AUTS2: variants seen among roughly 807,000 people sequenced by gnomAD.
The protein encoded by AUTS2 is autism susceptibility gene 2 protein.
Under a neutral mutation model 112.4 loss-of-function variants are expected in AUTS2, and 17 were observed. That is an observed-to-expected ratio of 0.15 (90% CI 0.10 to 0.23). The LOEUF is 0.23. AUTS2 is among the 10% of genes least tolerant of loss of function. AUTS2 has a pLI of 1.00. For synonymous variants in AUTS2, 751 were observed against 702.7 expected, an observed-to-expected ratio of 1.07 and a Z score of -1.09; for missense variants, 1,510 against 1,701.6, an observed-to-expected ratio of 0.89 and a Z score of 1.98.
intron 4 of AUTS2, among the ~76,000 whole-genome samples, chr7:70,217,907 C>T (rs754152842): frequency 4.6e-5 from 7 of 152,188 alleles, no homozygotes; most frequent in Non-Finnish European, 5.9e-5. Flanking sequence ...TCACTTCCTA[C>T]AGAAAATTTC....
At chr7:70,683,385 T>C (rs1033547474) in intron 5 of AUTS2, among the ~76,000 whole-genome samples, 3 of 152,350 alleles carry the variant, frequency 2.0e-5, no homozygotes, top group Admixed American at 1.3e-4. Flanking sequence ...TTACATGTGA[T>C]GCATGAGAAT....
chr7:70,106,363 C>G (rs1490354805), intron 2 of AUTS2, among the ~76,000 whole-genome samples: 2 of 152,154 alleles, frequency 1.3e-5, no homozygotes, highest in Non-Finnish European at 2.9e-5. Context: ...TCCAGGGGCA[C>G]ACCCCCTTGC....
intron 6 of AUTS2, among the ~76,000 whole-genome samples, chr7:70,743,052 C>G (rs1431192079): frequency 3.3e-5 from 5 of 152,124 alleles, no homozygotes; most frequent in Admixed American, 2.6e-4. Context: ...GACATAAAAT[C>G]TGTGCATTTA....
chr7:69,866,739 A>G (rs1055443421), intron 1 of AUTS2, among the ~76,000 whole-genome samples: 1 of 152,192 alleles, frequency 6.6e-6, no homozygotes, highest in Non-Finnish European at 1.5e-5. Flanking sequence ...GTAAGAGCCT[A>G]GGGTCTGAGT....
intron 1 of AUTS2, among the ~76,000 whole-genome samples, chr7:69,841,316 C>T (rs1052192636): frequency 1.3e-5 from 2 of 152,118 alleles, no homozygotes; most frequent in Non-Finnish European, 2.9e-5. Flanking sequence ...GGGGTTGGCA[C>T]ATCACATGAC....
intron 4 of AUTS2, among the ~76,000 whole-genome samples, chr7:70,354,531 C>G (rs1330431786): frequency 2.0e-5 from 3 of 152,168 alleles, no homozygotes. Context: ...TTATTCCCAA[C>G]TTAAAGATGA....
chr7:70,649,543 T>TA (rs1554451096), intron 5 of AUTS2, among the ~76,000 whole-genome samples: 5 of 150,478 alleles, frequency 3.3e-5, no homozygotes, highest in African/African-American at 4.9e-5. Flanking sequence ...TTTATTTATT[T>TA]TTTGAGACGG....
At chr7:70,372,033 T>C (rs1792863461) in intron 4 of AUTS2, among the ~76,000 whole-genome samples, 1 of 152,192 alleles carries the variant, frequency 6.6e-6, no homozygotes, top group Admixed American at 6.5e-5. Context: ...GGAACTAAAG[T>C]GCAATACTCT....
chr7:70,166,559 C>G (rs541063953), intron 4 of AUTS2, among the ~76,000 whole-genome samples: 1 of 152,050 alleles, frequency 6.6e-6, no homozygotes, highest in South Asian at 2.1e-4. Context: ...TCAAAGTAGA[C>G]TATGATAAGT....
chr7:69,976,109 T>C (rs972373359), intron 2 of AUTS2, among the ~76,000 whole-genome samples: 3 of 152,206 alleles, frequency 2.0e-5, no homozygotes, highest in African/African-American at 7.2e-5. Context: ...TATCCAGAAG[T>C]TTTCCATCTT....
At chr7:70,143,057 G>A (rs916609961) in intron 4 of AUTS2, among the ~76,000 whole-genome samples, 3 of 152,158 alleles carry the variant, frequency 2.0e-5, no homozygotes, top group African/African-American at 7.2e-5. Flanking sequence ...TATTTTTGCT[G>A]AAATTGTAAA....
At position 69,836,563 on chromosome 7, in the gene AUTS2, G is replaced by A. The variant is rs1383023395; in HGVS notation, c.310-62723G>A. Among the ~76,000 whole-genome samples the A allele has an allele frequency of 2.0e-5, 3 of 151,976 alleles. No homozygotes were observed. In the East Asian group the frequency reaches 5.8e-4, roughly 29 times the overall value. On this transcript the variant is annotated intron_variant, in intron 1 of 18. Coordinates refer to ENST00000342771, the MANE Select transcript of AUTS2 (RefSeq NM_015570.4). ...TCCTCTTTTGCATCCCCATTTGAAA[G>A]CCCACAATTTAATCTATTTGGGTAA...
chr7:69,687,228 AAAGT>A (rs1797100958), intron 1 of AUTS2, among the ~76,000 whole-genome samples: 2 of 152,366 alleles, frequency 1.3e-5, no homozygotes, highest in East Asian at 1.9e-4. Flanking sequence ...TGATAAAATT[AAAGT>A]AAGTAATTTA....
At chr7:70,096,912 A>G (rs1039502662) in intron 2 of AUTS2, among the ~76,000 whole-genome samples, 38 of 152,322 alleles carry the variant, frequency 2.5e-4, no homozygotes, top group Admixed American at 2.0e-3. Context: ...TGCATGCATG[A>G]TCCTTGAAAA....
At chr7:70,084,604 T>C (rs778130642) in intron 2 of AUTS2, among the ~76,000 whole-genome samples, 35 of 152,210 alleles carry the variant, frequency 2.3e-4, no homozygotes, top group Non-Finnish European at 4.9e-4. Context: ...CTCATTGTGG[T>C]CTTGAATTGC....
chr7:70,339,656 A>G (rs1791165669), intron 4 of AUTS2, among the ~76,000 whole-genome samples: 1 of 152,224 alleles, frequency 6.6e-6, no homozygotes. Context: ...TGAGGATCCA[A>G]GATTTTCTTC....
intron 5 of AUTS2, among the ~76,000 whole-genome samples, chr7:70,438,264 A>G (rs960004038): frequency 5.9e-5 from 9 of 152,152 alleles, no homozygotes; most frequent in Non-Finnish European, 1.0e-4. Flanking sequence ...GGTAGCTCCC[A>G]CCTACCACTC....
In AUTS2 at chr7:70,542,149, A is replaced by G. The variant is rs375588425; in HGVS notation, c.690+106368A>G. Reference sequence around the variant, plus strand: ...CACTGAATACAGACCTGTTCTGTCTATGTCATTGCTCAAGTTTACCAATCT... The same window carrying G: ...CACTGAATACAGACCTGTTCTGTCTGTGTCATTGCTCAAGTTTACCAATCT... On this transcript the variant is annotated intron_variant, in intron 5 of 18. Coordinates refer to ENST00000342771, the MANE Select transcript of AUTS2 (RefSeq NM_015570.4). 3.7e-4 allele frequency among the ~76,000 whole-genome samples: 57 copies of G among 152,172 alleles called. No individual in the cohort carries two copies. The South Asian group carries it at 0.011, about 28-fold the overall frequency.
intron 5 of AUTS2, among the ~76,000 whole-genome samples, chr7:70,645,603 G>A (rs573440841): frequency 2.6e-5 from 4 of 152,182 alleles, no homozygotes; most frequent in East Asian, 3.9e-4. Flanking sequence ...GCCTGCTCAC[G>A]AAGGCAAGAG....
Sources: gnomAD v4.1 joint callset for allele counts (sites outside exome capture counted in the v4.1 genomes callset) on GRCh38, gnomAD v4.1.1 for gene constraint, MANE v1.5 for transcripts, NCBI Gene and HGNC (gene_info 2026-07-23, HGNC 2026-07-21) for gene names.